The following KCNQ3 variants were observed in gnomAD, a reference collection of about 807,000 sequenced individuals.
KCNQ3 encodes the protein potassium voltage-gated channel subfamily KQT member 3.
In KCNQ3, 30 loss-of-function variants were observed where a neutral mutation model predicts 92.5. That is an observed-to-expected ratio of 0.32 (90% CI 0.24 to 0.44). The LOEUF is 0.44. KCNQ3 is among the 20% of genes least tolerant of loss of function. The pLI is 1.00. For synonymous variants in KCNQ3, 450 were observed against 468.8 expected (o/e 0.96, Z 0.52); for missense variants, 913 against 1,140.3 (o/e 0.80, Z 2.87).
At chr8:132,298,722 C>T (rs1817123483) in intron 1 of KCNQ3, among the ~76,000 whole-genome samples, 1 of 152,166 alleles carries the variant, frequency 6.6e-6, no homozygotes, top group Admixed American at 6.5e-5. Flanking sequence ...GCCTGGCCAA[C>T]ATGGTGAAAA....
chr8:132,159,764 G>A (rs1239348248), intron 9 of KCNQ3, among the ~76,000 whole-genome samples: 2 of 152,178 alleles, frequency 1.3e-5, no homozygotes, highest in Non-Finnish European at 1.5e-5. Context: ...ATGTGAACCA[G>A]TACACCTCCC....
chr8:132,186,929 T>TGAGAGAGAGAGAGAGA (rs752305044), intron 1 of KCNQ3, among the ~76,000 whole-genome samples: 37 of 98,568 alleles, frequency 3.8e-4, no homozygotes, highest in East Asian at 1.3e-3. Flanking sequence ...TGTGTGTGTG[T>TGAGAGAGAGAGAGAGA]GTGTGAGAGA....
Position 132,242,744 on chromosome 8 carries a change from A to G in KCNQ3, c.387-56563T>C, listed in dbSNP as rs575943830. On this transcript the variant is annotated intron_variant, in intron 1 of 14. Transcript: ENST00000388996. Reference sequence around the variant, plus strand: ...ATCGAATGAATGAATGAATAATTGAATTATTTTTTAATCTGAATCCCCAGG... The same window carrying G: ...ATCGAATGAATGAATGAATAATTGAGTTATTTTTTAATCTGAATCCCCAGG... Among the ~76,000 whole-genome samples, 75 of 152,348 alleles carry G rather than the reference A, an allele frequency of 4.9e-4. No individual in the cohort carries two copies. The South Asian group carries it at 6.8e-3, about 14-fold the overall frequency.
At chr8:132,147,574 T>A (rs1825491822) in intron 9 of KCNQ3, among the ~76,000 whole-genome samples, 1 of 152,118 alleles carries the variant, frequency 6.6e-6, no homozygotes, top group Non-Finnish European at 1.5e-5. Flanking sequence ...GATGAATGGA[T>A]GGATAAGTGA....
rs928942564 is a variant in KCNQ3, at chr8:132,231,712, C to T, written c.387-45531G>A. Among the ~76,000 whole-genome samples, 2 of 152,192 alleles carry T rather than the reference C, an allele frequency of 1.3e-5. 1 individual carries two copies. The highest frequency in any genetic ancestry group is 4.1e-4 in the South Asian group (2 of 4,820). ...AATTTCTGTTGTTTAAGCCACCCAG[C>T]CTATGATATTTTGTTATGGTAGCCA... On this transcript the variant is annotated intron_variant, in intron 1 of 14. Transcript: ENST00000388996.
At chr8:132,344,577 G>A (rs1818625263) in intron 1 of KCNQ3, among the ~76,000 whole-genome samples, 1 of 152,204 alleles carries the variant, frequency 6.6e-6, no homozygotes, top group African/African-American at 2.4e-5. Flanking sequence ...AGGCCTGGAG[G>A]AGTAAAGAAA....
chr8:132,346,968 T>C (rs1326367640), intron 1 of KCNQ3, among the ~76,000 whole-genome samples: 1 of 152,134 alleles, frequency 6.6e-6, no homozygotes, highest in Non-Finnish European at 1.5e-5. Flanking sequence ...TCCAGGGCCC[T>C]GATGTTGTTT....
chr8:132,171,275 T>C (rs866168420), intron 7 of KCNQ3, among the ~76,000 whole-genome samples: 4 of 151,970 alleles, frequency 2.6e-5, no homozygotes, highest in Non-Finnish European at 5.9e-5. Context: ...GGAACCACAA[T>C]ATGCGGGATG....
At chr8:132,270,657 G>A (rs1816120872) in intron 1 of KCNQ3, among the ~76,000 whole-genome samples, 1 of 152,180 alleles carries the variant, frequency 6.6e-6, no homozygotes, top group Non-Finnish European at 1.5e-5. Flanking sequence ...TCAGAGCTGA[G>A]CAGCAGCAAG....
At chr8:132,454,112 T>C (rs1821887268) in intron 1 of KCNQ3, among the ~76,000 whole-genome samples, 1 of 152,224 alleles carries the variant, frequency 6.6e-6, no homozygotes, top group East Asian at 1.9e-4. Context: ...CTGGTTAGGA[T>C]GCTCATGGCA....
chr8:132,303,599 A>G (rs375479515), intron 1 of KCNQ3, among the ~76,000 whole-genome samples: 5,859 of 26,108 alleles, frequency 0.22, 1,316 homozygotes, highest in East Asian at 0.4. Flanking sequence ...GTATATATAT[A>G]TGGTGTGTAT....
intron 1 of KCNQ3, among the ~76,000 whole-genome samples, chr8:132,457,477 C>T (rs1449127938): frequency 1.3e-5 from 2 of 152,176 alleles, no homozygotes. Context: ...CTGGATGCAG[C>T]CACTGGGAAA....
intron 9 of KCNQ3, among the ~76,000 whole-genome samples, chr8:132,147,352 T>A (rs570959165): frequency 6.6e-6 from 1 of 151,026 alleles, no homozygotes; most frequent in East Asian, 2.0e-4. Flanking sequence ...TCATAAGCTA[T>A]TTTTTTTGGA....
intron 1 of KCNQ3, among the ~76,000 whole-genome samples, chr8:132,438,343 T>G (rs955540788): frequency 6.6e-6 from 1 of 152,128 alleles, no homozygotes; most frequent in Non-Finnish European, 1.5e-5. Flanking sequence ...TGCTTCCAAA[T>G]GCAGTAGAAA....
chr8:132,273,139 T>C (rs1816211267), intron 1 of KCNQ3, among the ~76,000 whole-genome samples: 2 of 152,248 alleles, frequency 1.3e-5, no homozygotes, highest in South Asian at 2.1e-4. Context: ...TCTGACCCCA[T>C]ATTTTCCTTC....
chr8:132,223,971 A>C (rs1814320083), intron 1 of KCNQ3, among the ~76,000 whole-genome samples: 1 of 151,788 alleles, frequency 6.6e-6, no homozygotes, highest in African/African-American at 2.4e-5. Context: ...GCTATAGTGC[A>C]GTGGTGTGAT....
chr8:132,395,802 G>A (rs957989286), intron 1 of KCNQ3, among the ~76,000 whole-genome samples: 1 of 152,212 alleles, frequency 6.6e-6, no homozygotes, highest in Admixed American at 6.5e-5. Flanking sequence ...GTGAGCTCAA[G>A]GGACTTACCC....
chr8:132,353,552 A>G (rs1289632225), intron 1 of KCNQ3, among the ~76,000 whole-genome samples: 1 of 152,196 alleles, frequency 6.6e-6, no homozygotes, highest in Non-Finnish European at 1.5e-5. Context: ...CTTGCTTTCA[A>G]AAATGTTGGT....
intron 1 of KCNQ3, among the ~76,000 whole-genome samples, chr8:132,453,807 C>G (rs1821879068): frequency 6.6e-6 from 1 of 152,144 alleles, no homozygotes; most frequent in Admixed American, 6.5e-5. Context: ...GTGGGGCTGA[C>G]CTGGCCCAAC....
Sources: allele counts gnomAD v4.1 joint callset (sites outside exome capture counted in the v4.1 genomes callset), GRCh38; gene constraint gnomAD v4.1.1; transcripts MANE v1.5; gene names NCBI Gene and HGNC (gene_info 2026-07-23, HGNC 2026-07-21).